The following SMAP1 variants were observed in gnomAD, a reference collection of about 807,000 sequenced individuals.
SMAP1 encodes stromal membrane-associated protein 1.
Under a neutral mutation model 58.5 loss-of-function variants are expected in SMAP1, and 24 were observed. That is an observed-to-expected ratio of 0.41 (90% CI 0.30 to 0.58). The LOEUF (loss-of-function observed/expected upper bound fraction) is 0.58. Ranked by LOEUF, SMAP1 falls within the 20% of genes least tolerant of loss-of-function variation. The probability of loss-of-function intolerance (pLI) is 0.29; values close to 1 mark genes in which losing one functional copy is unlikely to be tolerated. For missense variants in SMAP1, 563 were observed against 566.3 expected, an observed-to-expected ratio of 0.99 and a Z score of 0.06; for synonymous variants, 216 against 196.6, an observed-to-expected ratio of 1.10 and a Z score of -0.82.
intron 6 of SMAP1, among the ~76,000 whole-genome samples, chr6:70,821,373 G>A (rs543671487): frequency 1.3e-5 from 2 of 151,966 alleles, no homozygotes; most frequent in Admixed American, 1.3e-4. Context: ...GGACATTTGA[G>A]TCGTTTCTGG....
At chr6:70,740,244 G>A (rs979041859) in intron 2 of SMAP1, among the ~76,000 whole-genome samples, 91 of 151,814 alleles carry the variant, frequency 6.0e-4, no homozygotes, top group Non-Finnish European at 1.2e-3. Context: ...TCCCTCTTCC[G>A]TTGTTTTCAT....
chr6:70,743,800 G>A (rs561862706), intron 2 of SMAP1, among the ~76,000 whole-genome samples: 40 of 152,336 alleles, frequency 2.6e-4, no homozygotes, highest in African/African-American at 9.1e-4. Context: ...AATGGGAGCA[G>A]CCTATAGCAT....
In SMAP1 at chr6:70,860,838, C is replaced by CTGT. The variant is rs200344889; in HGVS notation, c.*509_*511dup. 1 of 395,768 alleles carries CTGT rather than the reference C, an allele frequency of 2.5e-6. No individual in the cohort carries two copies. Among genetic ancestry groups the CTGT allele is most frequent in the East Asian group, 3.6e-5 (1 of 27,880 alleles). 24.5% of individuals were successfully genotyped at this position (395,768 alleles called of 1,614,324 possible). On this transcript the variant is annotated 3_prime_UTR_variant, in exon 11 of 11. Coordinates refer to ENST00000370455, the MANE Select transcript of SMAP1 (RefSeq NM_001044305.3). ...TTATTTCATCATTCACTTCACTGTG[C>CTGT]TGTTGTTATGATGTGCTTAACAGGG...
chr6:70,802,268 T>G (rs1468738879), intron 6 of SMAP1, among the ~76,000 whole-genome samples: 1 of 152,196 alleles, frequency 6.6e-6, no homozygotes, highest in Non-Finnish European at 1.5e-5. Context: ...TTTTATTCTC[T>G]TTGTAGCAGT....
In SMAP1 at chr6:70,759,382, T is replaced by A. The variant is rs551921571; in HGVS notation, c.338+4317T>A. Among the ~76,000 whole-genome samples, 18 of 152,140 alleles carry A rather than the reference T, an allele frequency of 1.2e-4. No individual in the cohort carries two copies. The East Asian group carries it at 3.5e-3, about 29-fold the overall frequency. On this transcript the variant is annotated intron_variant, in intron 3 of 10. Coordinates refer to ENST00000370455, the MANE Select transcript of SMAP1 (RefSeq NM_001044305.3). ...GGCAGGGTGGGGAGGTTGGGTTGGG[T>A]TGGATTTTTTAGGTGTCCCTTGAAT...
chr6:70,774,648 G>T (rs986039448), intron 4 of SMAP1, among the ~76,000 whole-genome samples: 4 of 151,670 alleles, frequency 2.6e-5, no homozygotes, highest in African/African-American at 9.7e-5. Flanking sequence ...GGAGGCCAAG[G>T]TGGGAGGATC....
At chr6:70,835,014 C>G (rs1437595261) in intron 6 of SMAP1, among the ~76,000 whole-genome samples, 2 of 151,458 alleles carry the variant, frequency 1.3e-5, no homozygotes, top group Non-Finnish European at 2.9e-5. Context: ...CTTTGGGAGG[C>G]CGAGGCTAGC....
At chr6:70,789,262 T>A (rs1238930583) in intron 4 of SMAP1, among the ~76,000 whole-genome samples, 1 of 152,220 alleles carries the variant, frequency 6.6e-6, no homozygotes, top group East Asian at 1.9e-4. Flanking sequence ...TACATATCGC[T>A]GTGTAACCAC....
chr6:70,755,376 GTTTGGTAGAAACTGTACTTTGAGTACTA>G (rs1435560111), intron 3 of SMAP1, among the ~76,000 whole-genome samples: 1 of 152,012 alleles, frequency 6.6e-6, no homozygotes, highest in Non-Finnish European at 1.5e-5. Context: ...AGCAGTATGC[GTTTGGTAGAAACTGTACTTTGAGTACTA>G]GTGTAACCAT....
intron 1 of SMAP1, among the ~76,000 whole-genome samples, chr6:70,669,322 ATT>A (rs1766168095): frequency 6.6e-6 from 1 of 152,196 alleles, no homozygotes; most frequent in Non-Finnish European, 1.5e-5. Context: ...AATGAGTCAC[ATT>A]TCAGTAGGCT....
chr6:70,722,263 T>G (rs1582061289), intron 1 of SMAP1, among the ~76,000 whole-genome samples: 1 of 152,342 alleles, frequency 6.6e-6, no homozygotes, highest in Non-Finnish European at 1.5e-5. Flanking sequence ...TCCCACAATT[T>G]GACTTTGAAT....
At chr6:70,803,149 G>T (rs530837458) in intron 6 of SMAP1, among the ~76,000 whole-genome samples, 13 of 152,192 alleles carry the variant, frequency 8.5e-5, no homozygotes, top group African/African-American at 3.1e-4. Context: ...ACTTTTTTTG[G>T]TTGGTAGGCT....
intron 6 of SMAP1, among the ~76,000 whole-genome samples, chr6:70,803,218 G>A (rs1244219453): frequency 1.3e-5 from 2 of 152,044 alleles, no homozygotes; most frequent in Admixed American, 6.5e-5. Flanking sequence ...ACTTATTCCT[G>A]GTTTAGTCTT....
intron 1 of SMAP1, among the ~76,000 whole-genome samples, chr6:70,679,305 C>T (rs943382680): frequency 2.1e-4 from 32 of 152,230 alleles, no homozygotes; most frequent in Admixed American, 2.0e-3. Flanking sequence ...AGGCTTGAGC[C>T]ACCGCGCCTG....
At chr6:70,798,633 T>C (rs1415674123) in intron 5 of SMAP1, 24 bp from the exon 6 acceptor site, 1 of 1,473,406 alleles carries the variant, frequency 6.8e-7, no homozygotes, top group Non-Finnish European at 9.0e-7. Flanking sequence ...AGTAAACTTA[T>C]CAAAACTTTG....
intron 1 of SMAP1, among the ~76,000 whole-genome samples, chr6:70,690,497 G>C (rs1432197311): frequency 6.6e-6 from 1 of 151,522 alleles, no homozygotes; most frequent in Admixed American, 6.6e-5. Flanking sequence ...GTAGAGATGG[G>C]GTTTCTCCAT....
chr6:70,688,292 A>G (rs1767014427), intron 1 of SMAP1, among the ~76,000 whole-genome samples: 1 of 152,108 alleles, frequency 6.6e-6, no homozygotes, highest in Non-Finnish European at 1.5e-5. Context: ...GTGTGGATGT[A>G]GGTTTTTATT....
intron 2 of SMAP1, among the ~76,000 whole-genome samples, chr6:70,753,509 G>A (rs1411833925): frequency 6.6e-6 from 1 of 152,100 alleles, no homozygotes; most frequent in South Asian, 2.1e-4. Context: ...CAAAGATGCA[G>A]CATCATTTGA....
intron 4 of SMAP1, among the ~76,000 whole-genome samples, chr6:70,782,516 A>G (rs1767804190): frequency 6.6e-6 from 1 of 152,204 alleles, no homozygotes; most frequent in African/African-American, 2.4e-5. Flanking sequence ...AAACTTACAT[A>G]TGAGGCCTAG....
Sources: gnomAD v4.1 joint callset for allele counts (sites outside exome capture counted in the v4.1 genomes callset) on GRCh38, gnomAD v4.1.1 for gene constraint, MANE v1.5 for transcripts, NCBI Gene and HGNC (gene_info 2026-07-23, HGNC 2026-07-21) for gene names.